PLAAT3: variants seen among roughly 807,000 people sequenced by gnomAD.
The protein encoded by PLAAT3 is Ca-independent phospholipase A1/2.
A neutral mutation model predicts 16.7 loss-of-function variants in PLAAT3; 21 were observed. That is an observed-to-expected ratio of 1.26 (90% CI 0.89 to 1.81). PLAAT3 has a LOEUF of 1.81. Ranked by LOEUF, PLAAT3 falls within the 40% of genes most tolerant of loss-of-function variation. The pLI is 0.00. For missense variants in PLAAT3, 219 were observed against 213.7 expected, an observed-to-expected ratio of 1.02 and a Z score of -0.16; for synonymous variants, 76 against 81.7, an observed-to-expected ratio of 0.93 and a Z score of 0.38.
At chr11:63,592,772 A>G (rs924297726) in intron 3 of PLAAT3, among the ~76,000 whole-genome samples, 9 of 152,276 alleles carry the variant, frequency 5.9e-5, no homozygotes, top group African/African-American at 2.2e-4. Flanking sequence ...TGTGAGGATT[A>G]AAGGGGTTGG....
At chr11:63,604,077 G>A (rs1012453060) in intron 2 of PLAAT3, among the ~76,000 whole-genome samples, 4 of 152,140 alleles carry the variant, frequency 2.6e-5, no homozygotes, top group Non-Finnish European at 4.4e-5. Flanking sequence ...ACTTGAACCT[G>A]GGAGGTGGAG....
chr11:63,608,146 C>T (rs964399813), intron 2 of PLAAT3, among the ~76,000 whole-genome samples: 2 of 152,180 alleles, frequency 1.3e-5, no homozygotes, highest in African/African-American at 2.4e-5. Context: ...CGTGCCACTG[C>T]ACTCCAGCCT....
intron 2 of PLAAT3, among the ~76,000 whole-genome samples, chr11:63,601,673 T>G (rs1490178504): frequency 6.6e-6 from 1 of 152,062 alleles, no homozygotes; most frequent in Non-Finnish European, 1.5e-5. Context: ...AAAATGCCAC[T>G]TATATAAATT....
chr11:63,599,941 A>G (rs143405885), intron 2 of PLAAT3, among the ~76,000 whole-genome samples: 2 of 152,284 alleles, frequency 1.3e-5, no homozygotes, highest in East Asian at 3.9e-4. Context: ...CCTGCTCCAC[A>G]TAAACACCAA....
intron 2 of PLAAT3, among the ~76,000 whole-genome samples, chr11:63,601,837 C>T (rs1303738568): frequency 1.3e-5 from 2 of 152,066 alleles, no homozygotes; most frequent in African/African-American, 2.4e-5. Flanking sequence ...ATTAGCCAGA[C>T]GTGGTGGCGT....
chr11:63,578,287 G>GA (rs368825272), intron 4 of PLAAT3, among the ~76,000 whole-genome samples: 2,902 of 121,238 alleles, frequency 0.024, 96 homozygotes, highest in African/African-American at 0.079. Context: ...AGTCTCAAAA[G>GA]AAAAAAAAAA....
intron 2 of PLAAT3, among the ~76,000 whole-genome samples, chr11:63,600,272 C>A (rs1938391284): frequency 6.6e-6 from 1 of 152,170 alleles, no homozygotes. Context: ...CACGTGCCAT[C>A]GCGCCCAGCC....
intron 4 of PLAAT3, among the ~76,000 whole-genome samples, chr11:63,576,109 A>G (rs1165742008): frequency 2.0e-5 from 3 of 152,200 alleles, no homozygotes; most frequent in Non-Finnish European, 4.4e-5. Flanking sequence ...TCCACACAAG[A>G]GTCCAGAAGA....
chr11:63,593,180 C>T (rs1171425333), intron 3 of PLAAT3, among the ~76,000 whole-genome samples: 3 of 152,180 alleles, frequency 2.0e-5, no homozygotes, highest in Non-Finnish European at 4.4e-5. Context: ...AATTCCCATG[C>T]TACTGAGAAG....
intron 2 of PLAAT3, among the ~76,000 whole-genome samples, chr11:63,602,222 G>A (rs1423886749): frequency 1.3e-5 from 2 of 151,656 alleles, no homozygotes; most frequent in Non-Finnish European, 2.9e-5. Context: ...CCCAGGAGGC[G>A]GAGGTTGCAG....
chr11:63,606,443 CA>C (rs1938564315), intron 2 of PLAAT3, among the ~76,000 whole-genome samples: 4 of 151,812 alleles, frequency 2.6e-5, no homozygotes, highest in Non-Finnish European at 4.4e-5. Flanking sequence ...CACACACACA[CA>C]CACACACACA....
intron 4 of PLAAT3, among the ~76,000 whole-genome samples, chr11:63,575,934 G>A (rs143400386): frequency 2.3e-3 from 346 of 152,278 alleles, no homozygotes; most frequent in Non-Finnish European, 4.2e-3. Context: ...AAGTCTGAAC[G>A]TTTATTCTTT....
chr11:63,597,822 C>A (rs1172482027), intron 3 of PLAAT3, among the ~76,000 whole-genome samples: 1 of 152,192 alleles, frequency 6.6e-6, no homozygotes, highest in Non-Finnish European at 1.5e-5. Flanking sequence ...CAGTACCAGT[C>A]CATGGCCTGG....
chr11:63,612,370 A>G (rs1464720690), intron 2 of PLAAT3, among the ~76,000 whole-genome samples: 1 of 152,224 alleles, frequency 6.6e-6, no homozygotes, highest in Non-Finnish European at 1.5e-5. Context: ...TGATTAAAGA[A>G]AAAAAGATTT....
intron 4 of PLAAT3, among the ~76,000 whole-genome samples, chr11:63,577,149 T>C (rs1050761149): frequency 3.3e-5 from 5 of 151,792 alleles, no homozygotes; most frequent in African/African-American, 1.2e-4. Context: ...CAACTGAACA[T>C]GATGGTTGGC....
At chr11:63,590,003 A>C in intron 4 of PLAAT3, 97 bp downstream of exon 4, 1 of 1,138,060 alleles carries the variant, frequency 8.8e-7, no homozygotes, top group Non-Finnish European at 1.2e-6. Context: ...TGTCTCTGCT[A>C]TTTTGTCTTG....
At chr11:63,591,511 C>A (rs1481415025) in intron 3 of PLAAT3, among the ~76,000 whole-genome samples, 2 of 152,190 alleles carry the variant, frequency 1.3e-5, no homozygotes, top group East Asian at 3.9e-4. Context: ...GGTCAAGGCC[C>A]CCAGGGTGCC....
At chr11:63,606,348 G>C (rs1938558772) in intron 2 of PLAAT3, among the ~76,000 whole-genome samples, 1 of 152,086 alleles carries the variant, frequency 6.6e-6, no homozygotes, top group South Asian at 2.1e-4. Context: ...CACGCTGGGA[G>C]GCCGAGGCGG....
intron 2 of PLAAT3, among the ~76,000 whole-genome samples, chr11:63,611,450 GCCA>G (rs1343112314): frequency 6.6e-6 from 1 of 152,122 alleles, no homozygotes; most frequent in Non-Finnish European, 1.5e-5. Context: ...ATACATGTGA[GCCA>G]CCAATTAGCA....
Sources: allele counts gnomAD v4.1 joint callset (sites outside exome capture counted in the v4.1 genomes callset), GRCh38; gene constraint gnomAD v4.1.1; transcripts MANE v1.5; gene names NCBI Gene and HGNC (gene_info 2026-07-23, HGNC 2026-07-21).